Variants in METTL16 observed in about 807,000 individuals in gnomAD.
The protein encoded by METTL16 is RNA N(6)-adenosine-methyltransferase METTL16.
Under a neutral mutation model 57.9 loss-of-function variants are expected in METTL16, and 19 were observed. The ratio of observed to expected loss-of-function variants is 0.33; its 90% CI spans 0.23 to 0.48. The LOEUF (loss-of-function observed/expected upper bound fraction) is 0.48. Among genes scored for constraint, METTL16 ranks in the 20% least tolerant of loss-of-function variants. The probability of loss-of-function intolerance (pLI) is 0.99; values close to 1 mark genes in which losing one functional copy is unlikely to be tolerated. For synonymous variants in METTL16, 246 were observed against 255.6 expected, an observed-to-expected ratio of 0.96 and a Z score of 0.36; for missense variants, 434 against 691.5, an observed-to-expected ratio of 0.63 and a Z score of 4.18.
intron 2 of METTL16, among the ~76,000 whole-genome samples, chr17:2,479,331 T>A (rs1383169402): frequency 1.4e-5 from 1 of 72,568 alleles, no homozygotes; most frequent in Non-Finnish European, 2.9e-5. Flanking sequence ...CACACTAAGC[T>A]TTTTTTTTTT....
chr17:2,464,638 T>C (rs955042505), intron 5 of METTL16, among the ~76,000 whole-genome samples: 4 of 152,226 alleles, frequency 2.6e-5, no homozygotes, highest in Admixed American at 1.3e-4. Context: ...GCTTTCTTTC[T>C]CCTGTACAGA....
At chr17:2,479,460 T>TG (rs2067289045) in intron 2 of METTL16, among the ~76,000 whole-genome samples, 1 of 151,062 alleles carries the variant, frequency 6.6e-6, no homozygotes, top group African/African-American at 2.4e-5. Flanking sequence ...CGTGAACCAC[T>TG]GCACCTGGCC....
rs1171090957 is a variant in METTL16, at chr17:2,417,297, C to CATGCG, written c.*2668_*2672dup. Reference sequence around the variant, plus strand: ...CAGGCTGGTCTCAAACTCCCGACCTCATGCGATGCGCCCATCTCAGCCTCA... The same window carrying CATGCG: ...CAGGCTGGTCTCAAACTCCCGACCTCATGCGATGCGATGCGCCCATCTCAGCCTCA... On this transcript the variant is annotated 3_prime_UTR_variant, in exon 10 of 10. Coordinates refer to ENST00000263092, the MANE Select transcript of METTL16 (RefSeq NM_024086.4). 1 of 152,176 alleles carries CATGCG rather than the reference C, an allele frequency of 6.6e-6. No homozygotes were observed. The allele number at this position is 152,176 out of a possible 1,614,324, so 9.4% of individuals were successfully genotyped here.
chr17:2,433,771 A>G (rs2066891189), intron 8 of METTL16, among the ~76,000 whole-genome samples: 1 of 152,242 alleles, frequency 6.6e-6, no homozygotes, highest in Admixed American at 6.5e-5. Context: ...GTTGCTCTTT[A>G]ACGCAAGTCC....
At chr17:2,503,377 C>T (rs940515263) in intron 1 of METTL16, among the ~76,000 whole-genome samples, 8 of 151,712 alleles carry the variant, frequency 5.3e-5, no homozygotes, top group East Asian at 1.9e-4. Context: ...CAACAAAATA[C>T]GGTATATCCA....
intron 6 of METTL16, among the ~76,000 whole-genome samples, chr17:2,454,949 C>A (rs2067098234): frequency 6.6e-6 from 1 of 152,068 alleles, no homozygotes; most frequent in African/African-American, 2.4e-5. Context: ...GAGATGGAGT[C>A]TCGCTCTGTT....
At chr17:2,499,936 T>C (rs939338078) in intron 2 of METTL16, among the ~76,000 whole-genome samples, 24 of 152,244 alleles carry the variant, frequency 1.6e-4, no homozygotes, top group African/African-American at 4.8e-4. Context: ...GTATTTTTAA[T>C]AGAGACAGGG....
intron 6 of METTL16, among the ~76,000 whole-genome samples, chr17:2,462,726 C>T (rs1426923333): frequency 6.6e-6 from 1 of 152,192 alleles, no homozygotes; most frequent in Non-Finnish European, 1.5e-5. Context: ...ACTTCCCCAG[C>T]CGTGCTTCCG....
chr17:2,501,981 A>G (rs905494119), intron 2 of METTL16, among the ~76,000 whole-genome samples: 3 of 152,206 alleles, frequency 2.0e-5, no homozygotes, highest in Non-Finnish European at 4.4e-5. Context: ...TTTGGACATC[A>G]AGAGAATTTT....
intron 8 of METTL16, among the ~76,000 whole-genome samples, chr17:2,423,261 GGTGTGTGTGTGTGTGTGTGTGTGT>G (rs58486923): frequency 2.1e-5 from 3 of 143,602 alleles, no homozygotes; most frequent in African/African-American, 7.6e-5. Flanking sequence ...AAAAACAAAG[GGTGTGTGTGTGTGTGTGTGTGTGT>G]GTGTGTGTGT....
Position 2,420,259 on chromosome 17 carries a change from C to T in METTL16, c.1400G>A (p.Arg467Lys), listed in dbSNP as rs771529139. The change falls in exon 10 of 10, where the codon AGG becomes AAG. Residue 467 changes from arginine (R) to lysine (K), a missense_variant. Arg to Lys is a conservative substitution (Grantham distance 26). Around this residue, in one of 5 missense-constraint regions of METTL16, gnomAD observed 168 missense variants for 149.6 expected, o/e 1.12. Transcript: ENST00000263092. The surrounding 1 kb of genome is among the most constrained non-coding windows in gnomAD (Gnocchi z 5.4). ...EENPEPTEDE[R>K]SEEKGGVEVL... ...CTCCACCCCTCCCTTTTCCTCACTC[C>T]TTTCATCCTCCGTGGGTTCCGGGTT... 2.5e-6 allele frequency: 4 copies of T among 1,614,008 alleles called. No individual in the cohort carries two copies. In the East Asian group the frequency reaches 6.7e-5, roughly 27 times the overall value.
At position 2,416,405 on chromosome 17, in the gene METTL16, T is replaced by G. The variant is rs1181058270; in HGVS notation, c.*3565A>C. The G allele has an allele frequency of 3.3e-5, 5 of 152,228 alleles. No homozygotes were observed. Among genetic ancestry groups the G allele is most frequent in the Non-Finnish European group, 7.3e-5 (5 of 68,042 alleles). The allele number at this position is 152,228 out of a possible 1,614,324, so 9.4% of individuals were successfully genotyped here. ...CAACTTAGAAGTTCGAGTGCTCACA[T>G]GGTAAGCTTTGATTTCCATCGAGAG... On this transcript the variant is annotated 3_prime_UTR_variant, in exon 10 of 10. Transcript: ENST00000263092.
chr17:2,482,762 C>T (rs2067316026), intron 2 of METTL16, among the ~76,000 whole-genome samples: 1 of 152,040 alleles, frequency 6.6e-6, no homozygotes, highest in African/African-American at 2.4e-5. Context: ...CAAAAATTAG[C>T]TGGATGTGGA....
At chr17:2,499,550 T>C (rs950167745) in intron 2 of METTL16, among the ~76,000 whole-genome samples, 2 of 152,104 alleles carry the variant, frequency 1.3e-5, no homozygotes, top group Non-Finnish European at 2.9e-5. Flanking sequence ...ATGAGAGAGA[T>C]GTTATAAACA....
At chr17:2,491,744 G>A (rs916554574) in intron 2 of METTL16, among the ~76,000 whole-genome samples, 2 of 149,164 alleles carry the variant, frequency 1.3e-5, no homozygotes, top group South Asian at 2.1e-4. Flanking sequence ...GCGTGGTGGT[G>A]GGAGCCTGTA....
intron 8 of METTL16, among the ~76,000 whole-genome samples, chr17:2,424,680 G>A (rs1405751906): frequency 6.6e-6 from 1 of 152,076 alleles, no homozygotes; most frequent in East Asian, 1.9e-4. Flanking sequence ...CAGGCGCAGT[G>A]GCTCACGCCT....
intron 6 of METTL16, among the ~76,000 whole-genome samples, chr17:2,454,456 C>G (rs2151558389): frequency 6.6e-6 from 1 of 151,962 alleles, no homozygotes; most frequent in East Asian, 1.9e-4. Flanking sequence ...TTTAAACTAT[C>G]ATAAATTTCG....
At chr17:2,435,453 G>A (rs2066902520) in intron 8 of METTL16, among the ~76,000 whole-genome samples, 1 of 152,142 alleles carries the variant, frequency 6.6e-6, no homozygotes. Flanking sequence ...AGAGGTCTAG[G>A]AAGAGGGAAG....
Position 2,417,047 on chromosome 17 carries a change from C to T in METTL16, c.*2923G>A, listed in dbSNP as rs1295175453. ...CGGCTCCAGACTGAAAGCTGGCCTG[C>T]TCATGGGTTCCTTTTTTTTTTTTTT... is the stretch of plus-strand genomic sequence containing the variant. On this transcript the variant is annotated 3_prime_UTR_variant, in exon 10 of 10. Coordinates refer to ENST00000263092, the MANE Select transcript of METTL16 (RefSeq NM_024086.4). The T allele has an allele frequency of 6.1e-5, 6 of 98,526 alleles. No individual in the cohort carries two copies. The highest frequency in any genetic ancestry group is 2.2e-4 in the African/African-American group (6 of 26,822). 6.1% of individuals were successfully genotyped at this position (98,526 alleles called of 1,614,324 possible).
Sources: gnomAD v4.1 joint callset for allele counts (sites outside exome capture counted in the v4.1 genomes callset) on GRCh38, gnomAD v4.1.1 for gene constraint, gnomAD v4.1.1 regional missense constraint, Gnocchi (gnomAD v3.1) non-coding constraint, MANE v1.5 for transcripts, NCBI Gene and HGNC (gene_info 2026-07-23, HGNC 2026-07-21) for gene names.